Variants in TEC observed in about 807,000 individuals in gnomAD.
TEC encodes tec protein tyrosine kinase.
A neutral mutation model predicts 93.0 loss-of-function variants in TEC; 72 were observed. The ratio of observed to expected loss-of-function variants is 0.77; its 90% confidence interval spans 0.64 to 0.94. The LOEUF (loss-of-function observed/expected upper bound fraction) is 0.94, where lower values mean the gene tolerates loss of function less well. Ranked by LOEUF, TEC falls within the 40% of genes least tolerant of loss-of-function variation. The pLI is 0.00. For missense variants in TEC, 630 were observed against 757.9 expected, an observed-to-expected ratio of 0.83 and a Z score of 1.98; for synonymous variants, 249 against 247.7, an observed-to-expected ratio of 1.01 and a Z score of -0.05.
intron 1 of TEC, among the ~76,000 whole-genome samples, chr4:48,263,158 G>A (rs1270070854): frequency 3.3e-5 from 5 of 152,148 alleles, no homozygotes; most frequent in Non-Finnish European, 7.4e-5. Context: ...CCAGAAACAG[G>A]AACTTGGTTC....
At chr4:48,163,317 A>G (rs1254908088) in intron 8 of TEC, among the ~76,000 whole-genome samples, 1 of 152,218 alleles carries the variant, frequency 6.6e-6, no homozygotes, top group Non-Finnish European at 1.5e-5. Context: ...TAATGCTGAC[A>G]AAGGTCAACT....
At chr4:48,246,819 C>A (rs1205722750) in intron 1 of TEC, among the ~76,000 whole-genome samples, 1 of 152,070 alleles carries the variant, frequency 6.6e-6, no homozygotes, top group Admixed American at 6.6e-5. Flanking sequence ...AACATAGGTA[C>A]AAATTTTCAT....
intron 2 of TEC, among the ~76,000 whole-genome samples, chr4:48,182,374 G>T (rs1236931025): frequency 6.6e-6 from 1 of 151,354 alleles, no homozygotes; most frequent in East Asian, 1.9e-4. Context: ...TATAGCCTTT[G>T]CCCTGCTTAC....
At chr4:48,196,237 C>T (rs946231901) in intron 2 of TEC, among the ~76,000 whole-genome samples, 4 of 152,156 alleles carry the variant, frequency 2.6e-5, no homozygotes, top group African/African-American at 7.2e-5. Context: ...CTGGTTTACA[C>T]GTCTTAGATC....
intron 1 of TEC, among the ~76,000 whole-genome samples, chr4:48,233,440 A>G (rs1182461753): frequency 2.0e-5 from 3 of 151,668 alleles, no homozygotes; most frequent in African/African-American, 4.8e-5. Context: ...AGCCTCCCCA[A>G]GTAGCTGAAA....
intron 8 of TEC, 124 bp from the exon 9 acceptor site, chr4:48,156,858 T>G: frequency 1.4e-6 from 1 of 709,038 alleles, no homozygotes. Flanking sequence ...AAGATATCAC[T>G]CATAATTTCA....
intron 1 of TEC, among the ~76,000 whole-genome samples, chr4:48,262,648 G>C (rs1724527691): frequency 6.6e-6 from 1 of 152,166 alleles, no homozygotes; most frequent in Non-Finnish European, 1.5e-5. Context: ...GCCTGGAAAA[G>C]GGAGGTTCCA....
At chr4:48,163,661 G>T in intron 8 of TEC, 41 bp downstream of exon 8, 1 of 1,247,892 alleles carries the variant, frequency 8.0e-7, no homozygotes, top group South Asian at 1.5e-5. Context: ...AAAATGAAAA[G>T]TTTCTGATTT....
rs116658950 is a variant in TEC at position 48,254,725 on chromosome 4, T to C, written c.-46+15027A>G. ...TGACGAGTAATTTTTCCGATGTCTA[T>C]GAAGAACAGATTTCTCTAATGTTCC... On this transcript the variant is annotated intron_variant, in intron 1 of 17. Coordinates refer to ENST00000381501, the MANE Select transcript of TEC (RefSeq NM_003215.3). Among the ~76,000 whole-genome samples the C allele has an allele frequency of 2.8e-3, 434 of 152,386 alleles. 3 individuals are homozygous for C. Among genetic ancestry groups the C allele is most frequent in the African/African-American group, 1.0e-2 (414 of 41,596 alleles).
intron 2 of TEC, 35 bp from the exon 3 acceptor site, chr4:48,176,221 A>T: frequency 6.6e-7 from 1 of 1,503,954 alleles, no homozygotes; most frequent in Non-Finnish European, 9.2e-7. Flanking sequence ...CATTAGAATC[A>T]TAAGACATAA....
At position 48,220,291 on chromosome 4, in the gene TEC, A is replaced by G. The variant is rs528746118; in HGVS notation, c.138+8186T>C. Among the ~76,000 whole-genome samples the G allele has an allele frequency of 6.6e-5, 10 of 151,932 alleles. No homozygotes were observed. The East Asian group carries it at 2.0e-3, about 30-fold the overall frequency. On this transcript the variant is annotated intron_variant, in intron 2 of 17. Transcript: ENST00000381501. ...AAATGGATATGAACCCTGCCCTCAA[A>G]GAGTTTGATATGGTTTGGATATTTG...
chr4:48,218,701 C>G (rs1319755577), intron 2 of TEC, among the ~76,000 whole-genome samples: 1 of 152,130 alleles, frequency 6.6e-6, no homozygotes, highest in Non-Finnish European at 1.5e-5. Flanking sequence ...CCTCAACAGG[C>G]TCTTATCCCT....
chr4:48,243,822 T>C (rs1723982187), intron 1 of TEC, among the ~76,000 whole-genome samples: 2 of 151,722 alleles, frequency 1.3e-5, no homozygotes, highest in Admixed American at 1.3e-4. Flanking sequence ...TGTTGGGGGT[T>C]GGGGATCTGG....
chr4:48,228,563 T>C lies in TEC; in HGVS notation c.52A>G (p.Lys18Glu), dbSNP rs1283283542. 2 of 1,613,920 alleles carry C rather than the reference T, an allele frequency of 1.2e-6. No individual in the cohort carries two copies. Among genetic ancestry groups the C allele is most frequent in the African/African-American group, 2.7e-5 (2 of 74,930 alleles). ...TAGTTTAAGGGCGATGTCTTCTTTT[T>C]CTGCTGTGACCTTTTAATAAGAATC... Reference protein sequence around the residue: ...EEILIKRSQQKKKTSPLNYKE... With the variant: ...EEILIKRSQQEKKTSPLNYKE... The change falls in exon 2 of 18, where the codon AAA becomes GAA. Residue 18 changes from lysine to glutamate, a missense_variant. Around this residue, in one of 3 missense-constraint regions of TEC, gnomAD observed 335 missense variants for 351.5 expected, o/e 0.95. Transcript: ENST00000381501.
At chr4:48,210,316 C>G (rs1382035087) in intron 2 of TEC, among the ~76,000 whole-genome samples, 1 of 151,980 alleles carries the variant, frequency 6.6e-6, no homozygotes, top group East Asian at 1.9e-4. Flanking sequence ...GACTCCATCT[C>G]TACAAAACTA....
intron 2 of TEC, among the ~76,000 whole-genome samples, chr4:48,195,076 G>A (rs947432498): frequency 1.3e-5 from 2 of 152,094 alleles, no homozygotes; most frequent in Admixed American, 1.3e-4. Flanking sequence ...GCTTAAGCTG[G>A]GGGCTCCCTG....
intron 8 of TEC, 81 bp from the exon 9 acceptor site, chr4:48,156,815 T>TGAAAA: frequency 9.2e-7 from 1 of 1,084,858 alleles, no homozygotes; most frequent in Non-Finnish European, 1.3e-6. Context: ...AAAGTAATTC[T>TGAAAA]GCTCATCAAT....
chr4:48,136,899 C>T lies in TEC; in HGVS notation c.*517G>A, dbSNP rs1719448923. The T allele has an allele frequency of 6.6e-6, 1 of 152,114 alleles. No individual in the cohort carries two copies. The highest frequency in any genetic ancestry group is 2.1e-4 in the South Asian group (1 of 4,810). The allele number at this position is 152,114 out of a possible 1,614,324, so 9.4% of individuals were successfully genotyped here. On this transcript the variant is annotated 3_prime_UTR_variant, in exon 18 of 18. Coordinates refer to ENST00000381501, the MANE Select transcript of TEC (RefSeq NM_003215.3). ...GTAATACTAAGAGCAGTCTTGAAAA[C>T]TGAGATGTTTTCAAAACAAAAGATA...
chr4:48,216,433 A>C (rs528002950), intron 2 of TEC, among the ~76,000 whole-genome samples: 2 of 152,326 alleles, frequency 1.3e-5, no homozygotes, highest in South Asian at 4.1e-4. Context: ...AGAATTCCTC[A>C]GCCCAGTAGT....
Sources: allele counts gnomAD v4.1 joint callset (sites outside exome capture counted in the v4.1 genomes callset), GRCh38; gene constraint gnomAD v4.1.1; regional missense constraint gnomAD v4.1.1; transcripts MANE v1.5; gene names NCBI Gene and HGNC (gene_info 2026-07-23, HGNC 2026-07-21).